The following GALNT17 variants were observed in gnomAD, a reference collection of about 807,000 sequenced individuals.
GALNT17 encodes the protein polypeptide N-acetylgalactosaminyltransferase 17, also known as UDP-GalNAc:polypeptide N-acetylgalactosaminyltransferase-like 3.
A neutral mutation model predicts 63.7 loss-of-function variants in GALNT17; 29 were observed. The observed-to-expected ratio is 0.46, with a 90% CI of 0.34 to 0.62. GALNT17 has a LOEUF of 0.62. Among genes scored for constraint, GALNT17 ranks in the 20% least tolerant of loss-of-function variants. The pLI is 0.01. For synonymous variants in GALNT17, 305 were observed against 318.3 expected, an observed-to-expected ratio of 0.96 and a Z score of 0.45; for missense variants, 603 against 799.6, an observed-to-expected ratio of 0.75 and a Z score of 2.97.
intron 5 of GALNT17, among the ~76,000 whole-genome samples, chr7:71,547,258 G>A (rs1443116611): frequency 1.3e-5 from 2 of 152,052 alleles, no homozygotes; most frequent in South Asian, 2.1e-4. Flanking sequence ...TCTCCCTCCC[G>A]AGTTCAAGCA....
At chr7:71,152,072 G>A (rs1223507283) in intron 1 of GALNT17, among the ~76,000 whole-genome samples, 2 of 152,040 alleles carry the variant, frequency 1.3e-5, no homozygotes, top group African/African-American at 2.4e-5. Context: ...CTAATTTGCC[G>A]TGTCGTTCTA....
At chr7:71,201,379 A>G (rs945726191) in intron 1 of GALNT17, among the ~76,000 whole-genome samples, 3 of 151,534 alleles carry the variant, frequency 2.0e-5, no homozygotes, top group Admixed American at 1.3e-4. Context: ...GAGAACTCAG[A>G]TATTTATTGA....
chr7:71,170,910 A>G (rs1011884927), intron 1 of GALNT17, among the ~76,000 whole-genome samples: 1 of 134,184 alleles, frequency 7.5e-6, no homozygotes, highest in Non-Finnish European at 1.6e-5. Flanking sequence ...TGTGCTGTTT[A>G]GTTCTTTTTT....
intron 1 of GALNT17, among the ~76,000 whole-genome samples, chr7:71,330,302 C>T (rs1465708881): frequency 1.3e-5 from 2 of 151,016 alleles, no homozygotes; most frequent in Non-Finnish European, 3.0e-5. Context: ...CATGAGCCAC[C>T]GTGCCCGGCT....
chr7:71,398,287 AT>A (rs1446975814), intron 3 of GALNT17, among the ~76,000 whole-genome samples: 1 of 150,698 alleles, frequency 6.6e-6, no homozygotes, highest in South Asian at 2.1e-4. Context: ...TAATTTTCTT[AT>A]TTTTCTCTGC....
At chr7:71,624,434 A>C (rs1326948479) in intron 6 of GALNT17, among the ~76,000 whole-genome samples, 1 of 152,086 alleles carries the variant, frequency 6.6e-6, no homozygotes, top group Admixed American at 6.6e-5. Flanking sequence ...GGGCTGTTTT[A>C]CCTTTCTGTT....
intron 1 of GALNT17, among the ~76,000 whole-genome samples, chr7:71,140,563 G>A (rs1418196188): frequency 4.6e-5 from 7 of 152,162 alleles, no homozygotes; most frequent in African/African-American, 1.7e-4. Flanking sequence ...CAACCCCCCT[G>A]ACCTTTGCTA....
At chr7:71,532,053 T>C (rs774718557) in intron 5 of GALNT17, among the ~76,000 whole-genome samples, 2 of 152,150 alleles carry the variant, frequency 1.3e-5, no homozygotes, top group African/African-American at 4.8e-5. Context: ...GTGTGGTTGG[T>C]GCCAGGAACT....
chr7:71,161,553 G>T lies in GALNT17; in HGVS notation c.238+28513G>T, dbSNP rs1585848568. On this transcript the variant is annotated intron_variant, in intron 1 of 10. Coordinates refer to ENST00000333538, the MANE Select transcript of GALNT17 (RefSeq NM_022479.3). ...TTTTTGGATGGGATGGGCAGGGCAG[G>T]TTTTACATTTTTTTATGGAGTATTT... 2.6e-5 allele frequency among the ~76,000 whole-genome samples: 4 copies of T among 152,032 alleles called. No homozygotes were observed. In the South Asian group the frequency reaches 8.3e-4, roughly 32 times the overall value.
intron 1 of GALNT17, among the ~76,000 whole-genome samples, chr7:71,291,264 G>A (rs931553507): frequency 6.6e-6 from 1 of 152,080 alleles, no homozygotes; most frequent in East Asian, 1.9e-4. Context: ...TTGGTTGGCC[G>A]GTGGACTCGG....
At chr7:71,326,742 T>C (rs766620300) in intron 1 of GALNT17, among the ~76,000 whole-genome samples, 2 of 152,214 alleles carry the variant, frequency 1.3e-5, no homozygotes, top group African/African-American at 2.4e-5. Context: ...TGCCCCAGCC[T>C]GGGCATCCTT....
At chr7:71,495,668 C>G (rs1361390684) in intron 5 of GALNT17, among the ~76,000 whole-genome samples, 1 of 152,104 alleles carries the variant, frequency 6.6e-6, no homozygotes, top group Non-Finnish European at 1.5e-5. Flanking sequence ...AGCACTATAC[C>G]TTGGCTCATT....
At chr7:71,395,433 G>A (rs769717878) in intron 3 of GALNT17, among the ~76,000 whole-genome samples, 7 of 152,112 alleles carry the variant, frequency 4.6e-5, no homozygotes, top group Non-Finnish European at 8.8e-5. Context: ...TTTTATGACT[G>A]AATAATATTC....
intron 1 of GALNT17, among the ~76,000 whole-genome samples, chr7:71,331,445 C>T (rs542548561): frequency 8.5e-5 from 13 of 152,220 alleles, no homozygotes; most frequent in Admixed American, 2.6e-4. Flanking sequence ...TGGTGGCTCA[C>T]GCCTGTAATC....
intron 1 of GALNT17, among the ~76,000 whole-genome samples, chr7:71,323,927 T>C (rs1393929451): frequency 6.6e-6 from 1 of 152,146 alleles, no homozygotes; most frequent in Non-Finnish European, 1.5e-5. Context: ...ATCAGAAATG[T>C]TGTGGTTGAG....
intron 1 of GALNT17, among the ~76,000 whole-genome samples, chr7:71,200,617 A>G (rs764233120): frequency 1.3e-5 from 2 of 152,156 alleles, no homozygotes; most frequent in African/African-American, 2.4e-5. Flanking sequence ...TTCCATCTTT[A>G]TTTAAACACA....
At chr7:71,364,371 G>T (rs1456396107) in intron 2 of GALNT17, among the ~76,000 whole-genome samples, 1 of 151,992 alleles carries the variant, frequency 6.6e-6, no homozygotes. Flanking sequence ...GGAGTGTCTC[G>T]CTTCAGTCCT....
Position 71,312,539 on chromosome 7 carries a change from A to T in GALNT17, c.239-23011A>T, listed in dbSNP as rs1192255091. On this transcript the variant is annotated intron_variant, in intron 1 of 10. Transcript: ENST00000333538. Reference sequence around the variant, plus strand: ...TAAACAACAGAAATTTTTCTCGCAGATCTGGAGACTGGAAATCCAAGATGA... The same window carrying T: ...TAAACAACAGAAATTTTTCTCGCAGTTCTGGAGACTGGAAATCCAAGATGA... Among the ~76,000 whole-genome samples the T allele has an allele frequency of 1.8e-4, 28 of 152,162 alleles. 1 individual carries two copies. The highest frequency in any genetic ancestry group is 1.8e-3 in the Admixed American group (28 of 15,270).
intron 6 of GALNT17, among the ~76,000 whole-genome samples, chr7:71,618,920 C>G (rs944439232): frequency 4.6e-5 from 7 of 152,070 alleles, no homozygotes; most frequent in African/African-American, 1.7e-4. Flanking sequence ...CCTAGGTTGT[C>G]TTCCATGATT....
Sources: gnomAD v4.1 joint callset for allele counts (sites outside exome capture counted in the v4.1 genomes callset) on GRCh38, gnomAD v4.1.1 for gene constraint, MANE v1.5 for transcripts, NCBI Gene and HGNC (gene_info 2026-07-23, HGNC 2026-07-21) for gene names.